The following SLC41A2 variants were observed in gnomAD, a reference collection of about 807,000 sequenced individuals.
The protein encoded by SLC41A2 is solute carrier family 41 member 2, also known as SLC41A1-like 1.
SLC41A2 carries 32 observed loss-of-function variants against 58.3 expected under a neutral mutation model. That is an observed-to-expected ratio of 0.55 (90% CI 0.41 to 0.74). The LOEUF (loss-of-function observed/expected upper bound fraction) is 0.74, where lower values mean the gene tolerates loss of function less well. Ranked by LOEUF, SLC41A2 falls within the 30% of genes least tolerant of loss-of-function variation. SLC41A2 has a pLI of 0.00. For missense variants in SLC41A2, 514 were observed against 680.6 expected, an observed-to-expected ratio of 0.76 and a Z score of 2.72; for synonymous variants, 190 against 235.0, an observed-to-expected ratio of 0.81 and a Z score of 1.75.
rs779993718 is a variant in SLC41A2 at position 104,928,345 on chromosome 12, T to G, written c.183A>C (p.Ala61=). ...QKNQEDRHKK[A]NGIWQDGLST... is the part of the protein sequence containing the mutation. ...ATAATCCATCTTGCCAAATGCCGTT[T>G]GCTTTTTTGTGCCTGTCTTCTTGGT... Residue 61 remains alanine, a synonymous_variant, in exon 2 of 11, where the codon GCA becomes GCC. Coordinates refer to ENST00000258538, the MANE Select transcript of SLC41A2 (RefSeq NM_001352171.3). 2 of 1,610,100 alleles carry G rather than the reference T, an allele frequency of 1.2e-6. No homozygotes were observed. Among genetic ancestry groups the G allele is most frequent in the South Asian group, 2.2e-5 (2 of 90,556 alleles).
chr12:104,951,648 T>C (rs2047960773), intron 1 of SLC41A2: 1 of 152,104 alleles, frequency 6.6e-6, no homozygotes, highest in Non-Finnish European at 1.5e-5. Flanking sequence ...CATTAAATTC[T>C]TATTTGTAAA....
chr12:104,865,507 T>A (rs2043398879), intron 7 of SLC41A2, among the ~76,000 whole-genome samples: 1 of 152,294 alleles, frequency 6.6e-6, no homozygotes, highest in Admixed American at 6.5e-5. Flanking sequence ...TAATTCCTCT[T>A]TCTGGGTTTC....
chr12:104,949,838 C>T (rs1447302682), intron 1 of SLC41A2, among the ~76,000 whole-genome samples: 4 of 152,196 alleles, frequency 2.6e-5, no homozygotes, highest in Non-Finnish European at 5.9e-5. Context: ...CTGCCTCAGC[C>T]TCCCAAAGTA....
intron 10 of SLC41A2, among the ~76,000 whole-genome samples, chr12:104,814,337 A>G (rs963433141): frequency 6.6e-6 from 1 of 152,138 alleles, no homozygotes; most frequent in Non-Finnish European, 1.5e-5. Context: ...GTGAGCTGAG[A>G]TCTCACCACT....
chr12:104,899,994 C>T (rs2045482340), intron 3 of SLC41A2, among the ~76,000 whole-genome samples: 1 of 152,112 alleles, frequency 6.6e-6, no homozygotes, highest in Non-Finnish European at 1.5e-5. Context: ...AGATCTTATA[C>T]TTAGATTTTG....
chr12:104,916,647 C>T (rs536479291), intron 2 of SLC41A2, among the ~76,000 whole-genome samples: 3 of 152,054 alleles, frequency 2.0e-5, no homozygotes, highest in African/African-American at 7.2e-5. Flanking sequence ...TGGAACAGAA[C>T]AGAGCCCTCA....
chr12:104,829,520 G>T (rs1002145005), intron 10 of SLC41A2, among the ~76,000 whole-genome samples: 1 of 152,100 alleles, frequency 6.6e-6, no homozygotes, highest in East Asian at 1.9e-4. Context: ...AGGAGCATGA[G>T]GAAACCTTTT....
intron 8 of SLC41A2, among the ~76,000 whole-genome samples, chr12:104,850,769 A>G (rs1340827569): frequency 6.6e-6 from 1 of 152,258 alleles, no homozygotes. Context: ...AATTCATTAA[A>G]GCAAATGCTT....
chr12:104,949,214 G>A (rs190464910), intron 1 of SLC41A2, among the ~76,000 whole-genome samples: 26 of 152,186 alleles, frequency 1.7e-4, no homozygotes, highest in Non-Finnish European at 2.4e-4. Flanking sequence ...GCGAAACTCC[G>A]TCTCAAATAA....
chr12:104,842,264 C>T (rs530186534), intron 10 of SLC41A2, among the ~76,000 whole-genome samples: 1 of 152,036 alleles, frequency 6.6e-6, no homozygotes, highest in Non-Finnish European at 1.5e-5. Flanking sequence ...AGTGTCAGAA[C>T]ATGAAGATTT....
chr12:104,875,259 T>C (rs1323404204), intron 6 of SLC41A2, among the ~76,000 whole-genome samples: 3 of 152,218 alleles, frequency 2.0e-5, no homozygotes, highest in Admixed American at 1.3e-4. Context: ...TATTAGCCTA[T>C]AGTTTTCATT....
intron 2 of SLC41A2, among the ~76,000 whole-genome samples, chr12:104,913,363 A>G (rs965442413): frequency 3.9e-5 from 6 of 152,166 alleles, no homozygotes; most frequent in African/African-American, 1.4e-4. Context: ...CCTAAGGGCT[A>G]CACAGAAATC....
At chr12:104,829,440 T>C (rs148480111) in intron 10 of SLC41A2, among the ~76,000 whole-genome samples, 2 of 152,186 alleles carry the variant, frequency 1.3e-5, no homozygotes, top group East Asian at 1.9e-4. Flanking sequence ...AAGAGGGAAA[T>C]ATAATTTATA....
intron 10 of SLC41A2, among the ~76,000 whole-genome samples, chr12:104,836,943 T>C (rs769697791): frequency 2.9e-4 from 44 of 152,218 alleles, no homozygotes; most frequent in Admixed American, 2.0e-4. Flanking sequence ...TTGTAACACA[T>C]CATCTGTACT....
intron 1 of SLC41A2, among the ~76,000 whole-genome samples, chr12:104,945,382 C>T (rs2047676332): frequency 6.6e-6 from 1 of 151,496 alleles, no homozygotes; most frequent in African/African-American, 2.4e-5. Context: ...CGCCTGTAGT[C>T]CCAGCTACTC....
At chr12:104,859,948 GC>G (rs1033292418) in intron 8 of SLC41A2, among the ~76,000 whole-genome samples, 3 of 151,828 alleles carry the variant, frequency 2.0e-5, no homozygotes, top group Admixed American at 6.6e-5. Flanking sequence ...TGGTCATATT[GC>G]CCAGGCTGGT....
At chr12:104,919,779 T>C (rs2046505856) in intron 2 of SLC41A2, among the ~76,000 whole-genome samples, 1 of 152,228 alleles carries the variant, frequency 6.6e-6, no homozygotes, top group Non-Finnish European at 1.5e-5. Context: ...CTGTAGCTTG[T>C]CTTTTCATCC....
At chr12:104,881,185 C>G (rs1013019587) in intron 6 of SLC41A2, among the ~76,000 whole-genome samples, 2 of 151,700 alleles carry the variant, frequency 1.3e-5, no homozygotes, top group East Asian at 1.9e-4. Flanking sequence ...TTTTTATTGC[C>G]TCTATTTGAT....
intron 1 of SLC41A2, among the ~76,000 whole-genome samples, chr12:104,939,815 T>C (rs985400896): frequency 6.6e-6 from 1 of 152,154 alleles, no homozygotes; most frequent in Non-Finnish European, 1.5e-5. Flanking sequence ...TCCCAGAACT[T>C]GTTGAGCAGA....
Sources: allele counts gnomAD v4.1 joint callset (sites outside exome capture counted in the v4.1 genomes callset), GRCh38; gene constraint gnomAD v4.1.1; transcripts MANE v1.5; gene names NCBI Gene and HGNC (gene_info 2026-07-23, HGNC 2026-07-21).